The following LRRIQ1 variants were observed in gnomAD, a reference collection of about 807,000 sequenced individuals.
LRRIQ1 encodes the protein leucine rich repeats and IQ motif containing 1, also known as leucine-rich repeat- and IQ domain-containing protein 1.
LRRIQ1 carries 210 observed loss-of-function variants against 211.9 expected under a neutral mutation model. That is an observed-to-expected ratio of 0.99 (90% CI 0.89 to 1.11). The LOEUF (loss-of-function observed/expected upper bound fraction) is 1.11, where lower values mean the gene tolerates loss of function less well. Among genes scored for constraint, LRRIQ1 ranks in the 50% most tolerant of loss-of-function variants. The pLI is 0.00. For synonymous variants in LRRIQ1, 699 were observed against 650.1 expected (o/e 1.08, Z -1.14); for missense variants, 2,136 against 1,939.5 (o/e 1.10, Z -1.90).
chr12:85,260,591 T>C (rs1246834338), intron 1 of LRRIQ1, among the ~76,000 whole-genome samples: 2 of 152,132 alleles, frequency 1.3e-5, no homozygotes, highest in Non-Finnish European at 2.9e-5. Context: ...ACTTCATTAG[T>C]TCATTACTCA....
chr12:85,228,011 A>G (rs2137169922), intron 24 of LRRIQ1, among the ~76,000 whole-genome samples: 1 of 152,348 alleles, frequency 6.6e-6, no homozygotes, highest in South Asian at 2.1e-4. Context: ...CACCTTATAC[A>G]AAAATCAATT....
intron 24 of LRRIQ1, among the ~76,000 whole-genome samples, chr12:85,164,227 T>C (rs1891041262): frequency 6.6e-6 from 1 of 152,184 alleles, no homozygotes; most frequent in Non-Finnish European, 1.5e-5. Flanking sequence ...AGTTTGGAGC[T>C]CTGACATCAT....
chr12:85,162,957 C>T, intron 24 of LRRIQ1, among the ~76,000 whole-genome samples: 1 of 151,990 alleles, frequency 6.6e-6, no homozygotes, highest in Admixed American at 6.6e-5. Flanking sequence ...TATGTTTATT[C>T]TTGTCCCTCT....
intron 24 of LRRIQ1, among the ~76,000 whole-genome samples, chr12:85,170,937 T>C (rs1248676752): frequency 1.3e-5 from 2 of 152,062 alleles, no homozygotes; most frequent in African/African-American, 2.4e-5. Flanking sequence ...TCTCCAAAAA[T>C]AGATAACATA....
At chr12:85,219,763 A>G (rs1010146773) in intron 24 of LRRIQ1, among the ~76,000 whole-genome samples, 5 of 152,090 alleles carry the variant, frequency 3.3e-5, no homozygotes. Context: ...TGAGTGATCA[A>G]TTACATATAT....
At chr12:85,268,048 T>C (rs758750173), downstream of LRRIQ1, among the ~76,000 whole-genome samples, 6 of 151,848 alleles carry the variant, frequency 4.0e-5, no homozygotes, top group South Asian at 4.2e-4. Flanking sequence ...AGAACAATAT[T>C]CCAAAATTAA....
chr12:85,042,889 A>G (rs922397727), intron 3 of LRRIQ1, among the ~76,000 whole-genome samples: 1 of 152,146 alleles, frequency 6.6e-6, no homozygotes, highest in Non-Finnish European at 1.5e-5. Context: ...AGCATAGCAC[A>G]GATAAAAGAA....
intron 19 of LRRIQ1, among the ~76,000 whole-genome samples, chr12:85,148,941 A>T (rs1355969845): frequency 2.0e-5 from 3 of 151,970 alleles, no homozygotes; most frequent in Non-Finnish European, 4.4e-5. Flanking sequence ...GGCCATGTAA[A>T]TGTCTTCTTT....
chr12:85,152,664 A>C (rs757146759), intron 20 of LRRIQ1, among the ~76,000 whole-genome samples: 1 of 151,740 alleles, frequency 6.6e-6, no homozygotes, highest in Non-Finnish European at 1.5e-5. Context: ...AGTTGACAGC[A>C]CTTTAAAAAT....
At chr12:85,073,151 G>A in intron 11 of LRRIQ1, 53 bp downstream of exon 11, 3 of 1,357,116 alleles carry the variant, frequency 2.2e-6, no homozygotes, top group Non-Finnish European at 3.1e-6. Flanking sequence ...TCTAGAGGAG[G>A]TATGGGGAGG....
At chr12:85,217,680 G>GTGTA (rs1555226108) in intron 24 of LRRIQ1, among the ~76,000 whole-genome samples, 2 of 142,706 alleles carry the variant, frequency 1.4e-5, no homozygotes, top group African/African-American at 5.4e-5. Flanking sequence ...GTGTATATAT[G>GTGTA]TATATATGTG....
chr12:85,223,398 CAAAG>C (rs1187415762), intron 24 of LRRIQ1, among the ~76,000 whole-genome samples: 5 of 152,018 alleles, frequency 3.3e-5, no homozygotes, highest in Non-Finnish European at 7.4e-5. Context: ...AGTTGTAAGA[CAAAG>C]GAAGTGGTCT....
At chr12:85,169,461 A>G (rs1280893866) in intron 24 of LRRIQ1, among the ~76,000 whole-genome samples, 2 of 152,158 alleles carry the variant, frequency 1.3e-5, no homozygotes, top group Non-Finnish European at 2.9e-5. Context: ...TGTCCTTTGA[A>G]TAAAAGCTGG....
chr12:85,048,365 C>T (rs898039909), intron 6 of LRRIQ1: 2 of 152,200 alleles, frequency 1.3e-5, no homozygotes, highest in East Asian at 3.9e-4. Flanking sequence ...CGAGATCATC[C>T]TGGCTAACAC....
intron 24 of LRRIQ1, among the ~76,000 whole-genome samples, chr12:85,196,495 C>T (rs2136982270): frequency 6.6e-6 from 1 of 151,928 alleles, no homozygotes; most frequent in South Asian, 2.1e-4. Flanking sequence ...ATCAATGGAA[C>T]AGAACAGAGC....
chr12:85,066,675 C>G, intron 9 of LRRIQ1, 73 bp from the exon 10 acceptor site: 2 of 1,224,228 alleles, frequency 1.6e-6, no homozygotes, highest in Non-Finnish European at 2.2e-6. Context: ...TTTCTTTCCT[C>G]TTTTTGAAAG....
chr12:85,168,960 G>A (rs900027679), intron 24 of LRRIQ1, among the ~76,000 whole-genome samples: 1 of 152,098 alleles, frequency 6.6e-6, no homozygotes, highest in African/African-American at 2.4e-5. Context: ...CATCAATAGG[G>A]TAAAACTAAC....
chr12:85,069,070 C>A (rs1191870815), intron 10 of LRRIQ1, among the ~76,000 whole-genome samples: 4 of 151,206 alleles, frequency 2.6e-5, no homozygotes, highest in African/African-American at 9.7e-5. Flanking sequence ...AGGTATACCT[C>A]CTAATGCTAT....
chr12:85,206,839 C>A (rs182864115), intron 24 of LRRIQ1, among the ~76,000 whole-genome samples: 2 of 152,232 alleles, frequency 1.3e-5, no homozygotes, highest in African/African-American at 4.8e-5. Flanking sequence ...GAACTCAGGT[C>A]AAACGGGCCT....
Sources: gnomAD v4.1 joint callset for allele counts (sites outside exome capture counted in the v4.1 genomes callset) on GRCh38, gnomAD v4.1.1 for gene constraint, MANE v1.5 for transcripts, NCBI Gene and HGNC (gene_info 2026-07-23, HGNC 2026-07-21) for gene names.